The following SLC8A1 variants were observed in gnomAD, a reference collection of about 807,000 sequenced individuals.
The protein encoded by SLC8A1 is sodium/calcium exchanger 1.
Under a neutral mutation model 68.3 loss-of-function variants are expected in SLC8A1, and 18 were observed. That is an observed-to-expected ratio of 0.26 (90% CI 0.18 to 0.39). The LOEUF (loss-of-function observed/expected upper bound fraction) is 0.39, where lower values mean the gene tolerates loss of function less well. Among genes scored for constraint, SLC8A1 ranks in the 10% least tolerant of loss-of-function variants. The pLI is 1.00. For missense variants in SLC8A1, 985 were observed against 1,156.7 expected (o/e 0.85, Z 2.15); for synonymous variants, 475 against 415.5 (o/e 1.14, Z -1.74).
chr2:40,478,916 C>T (rs530918867), intron 1 of SLC8A1, among the ~76,000 whole-genome samples: 7 of 152,022 alleles, frequency 4.6e-5, no homozygotes, highest in East Asian at 3.9e-4. Context: ...GGATTATAGG[C>T]GCCCGCCACC....
chr2:40,232,388 C>T (rs1046840276), intron 2 of SLC8A1, among the ~76,000 whole-genome samples: 2 of 61,262 alleles, frequency 3.3e-5, no homozygotes, highest in African/African-American at 5.3e-5. Flanking sequence ...GAATATGGTG[C>T]AAGTTATTTT....
At chr2:40,344,526 A>G (rs896604039) in intron 2 of SLC8A1, among the ~76,000 whole-genome samples, 8 of 152,204 alleles carry the variant, frequency 5.3e-5, no homozygotes, top group Non-Finnish European at 1.2e-4. Flanking sequence ...ATCTTTGAGT[A>G]AGACACCCAG....
chr2:40,210,220 C>T (rs1574096383), intron 2 of SLC8A1, among the ~76,000 whole-genome samples: 2 of 152,154 alleles, frequency 1.3e-5, no homozygotes, highest in Admixed American at 6.5e-5. Flanking sequence ...GGCCTGACAA[C>T]TAATGCTCTT....
At chr2:40,460,581 A>G (rs1413812629) in intron 1 of SLC8A1, among the ~76,000 whole-genome samples, 2 of 142,296 alleles carry the variant, frequency 1.4e-5, no homozygotes, top group Non-Finnish European at 3.1e-5. Context: ...GTATTTTTTA[A>G]TTTTTTTTTT....
intron 7 of SLC8A1, among the ~76,000 whole-genome samples, chr2:40,136,422 T>C (rs2040505733): frequency 6.6e-6 from 1 of 152,176 alleles, no homozygotes; most frequent in Non-Finnish European, 1.5e-5. Flanking sequence ...ATGAGATATA[T>C]AGATATTAAT....
upstream of SLC8A1, among the ~76,000 whole-genome samples, chr2:40,452,955 C>T (rs949700055): frequency 6.6e-6 from 1 of 152,124 alleles, no homozygotes; most frequent in Non-Finnish European, 1.5e-5. Flanking sequence ...CAGCAATCGA[C>T]GAACCATTCT....
chr2:40,471,706 C>G (rs1703998689), intron 1 of SLC8A1, among the ~76,000 whole-genome samples: 1 of 152,054 alleles, frequency 6.6e-6, no homozygotes, highest in Non-Finnish European at 1.5e-5. Flanking sequence ...ATAAAGTTGA[C>G]AGGAAATCTG....
chr2:40,465,648 C>A (rs1576620778), intron 1 of SLC8A1, among the ~76,000 whole-genome samples: 1 of 151,932 alleles, frequency 6.6e-6, no homozygotes, highest in East Asian at 1.9e-4. Flanking sequence ...ATAGTTAGGT[C>A]ATTATAAAGA....
chr2:40,282,441 T>C (rs2067663195), intron 2 of SLC8A1, among the ~76,000 whole-genome samples: 1 of 152,182 alleles, frequency 6.6e-6, no homozygotes, highest in South Asian at 2.1e-4. Flanking sequence ...ATCTTACTGA[T>C]ACAAAGGATG....
At chr2:40,451,737 T>TCACA (rs756970142) in intron 1 of SLC8A1, among the ~76,000 whole-genome samples, 167 bp downstream of exon 1, 8,801 of 133,612 alleles carry the variant, frequency 0.066, 335 homozygotes, top group Middle Eastern at 0.15. Context: ...ACACACCACA[T>TCACA]CACACACACA....
At chr2:40,105,903 C>T (rs2034166358) in exon 8 of SLC8A1, 2 of 152,218 alleles carry the variant, frequency 1.3e-5, no homozygotes, top group Admixed American at 1.3e-4. Context: ...GTGATTATGA[C>T]ATTAACAGTG....
intron 2 of SLC8A1, among the ~76,000 whole-genome samples, chr2:40,233,999 G>C (rs2060026128): frequency 2.0e-5 from 3 of 152,116 alleles, no homozygotes; most frequent in Non-Finnish European, 4.4e-5. Flanking sequence ...GGTTACTGTA[G>C]CCTTGTAGTA....
chr2:40,428,909 C>G, exon 2 of SLC8A1: 1 of 1,613,816 alleles, frequency 6.2e-7, no homozygotes, highest in African/African-American at 1.3e-5. Context: ...TCAGTAAATT[C>G]ATAATCAGAC....
rs572925811 is a variant in SLC8A1 at position 40,500,238 on chromosome 2, T to C, written c.-25+12111A>G. Reference sequence around the variant, plus strand: ...TAATTAAAATTTCTGGGTCAGATCTTTGAATCATGTTCATCATCCTTTCCA... The same window carrying C: ...TAATTAAAATTTCTGGGTCAGATCTCTGAATCATGTTCATCATCCTTTCCA... On this transcript the variant is annotated intron_variant, in intron 1 of 7. Transcript: ENST00000402441. 5.3e-5 allele frequency among the ~76,000 whole-genome samples: 8 copies of C among 152,238 alleles called. 1 individual carries two copies. In the South Asian group the frequency reaches 1.7e-3, roughly 32 times the overall value.
At chr2:40,234,983 G>A (rs539791713) in intron 2 of SLC8A1, among the ~76,000 whole-genome samples, 68 of 152,232 alleles carry the variant, frequency 4.5e-4, no homozygotes, top group African/African-American at 1.6e-3. Context: ...TTTTTGATGT[G>A]CTGCTGGATT....
intron 1 of SLC8A1, among the ~76,000 whole-genome samples, chr2:40,441,059 C>A (rs1191594168): frequency 6.6e-6 from 1 of 152,180 alleles, no homozygotes; most frequent in Non-Finnish European, 1.5e-5. Context: ...ACTCCTTAAG[C>A]TGACAAGCAA....
intron 2 of SLC8A1, among the ~76,000 whole-genome samples, chr2:40,209,722 G>A (rs554303487): frequency 6.6e-6 from 1 of 152,230 alleles, no homozygotes; most frequent in South Asian, 2.1e-4. Flanking sequence ...ATGGGTAGAT[G>A]TGGTCATGGG....
At chr2:40,499,988 C>T (rs570831956) in intron 1 of SLC8A1, among the ~76,000 whole-genome samples, 2 of 151,996 alleles carry the variant, frequency 1.3e-5, no homozygotes, top group East Asian at 1.9e-4. Flanking sequence ...CTTTCTATCT[C>T]GAGATCAGAA....
At chr2:40,110,690 A>C (rs963483339) in exon 8 of SLC8A1, 1 of 152,164 alleles carries the variant, frequency 6.6e-6, no homozygotes, top group Non-Finnish European at 1.5e-5. Flanking sequence ...TGAGATTATG[A>C]AACTACACTC....
Sources: gnomAD v4.1 joint callset for allele counts (sites outside exome capture counted in the v4.1 genomes callset) on GRCh38, gnomAD v4.1.1 for gene constraint, MANE v1.5 for transcripts, NCBI Gene and HGNC (gene_info 2026-07-23, HGNC 2026-07-21) for gene names.